Variants in CDH12 observed in about 807,000 individuals in gnomAD.
CDH12 encodes cadherin-12.
Under a neutral mutation model 74.1 loss-of-function variants are expected in CDH12, and 41 were observed. The observed-to-expected ratio is 0.55, with a 90% CI of 0.43 to 0.72. CDH12 has a LOEUF of 0.72. CDH12 is among the 30% of genes least tolerant of loss of function. CDH12 has a pLI of 0.00. For missense variants in CDH12, 945 were observed against 977.2 expected (o/e 0.97, Z 0.44); for synonymous variants, 399 against 355.0 (o/e 1.12, Z -1.39).
chr5:22,717,916 A>G (rs1231887228), intron 1 of CDH12, among the ~76,000 whole-genome samples: 1 of 151,414 alleles, frequency 6.6e-6, no homozygotes, highest in Non-Finnish European at 1.5e-5. Flanking sequence ...ATCCACAAAG[A>G]AAAAAAAAGC....
intron 1 of CDH12, among the ~76,000 whole-genome samples, chr5:22,639,845 G>C (rs1580842034): frequency 6.6e-6 from 1 of 152,084 alleles, no homozygotes; most frequent in Admixed American, 6.6e-5. Context: ...TCAAGAGGGA[G>C]TGCTCAAAAC....
intron 14 of CDH12, among the ~76,000 whole-genome samples, chr5:21,752,603 C>A (rs1744160223): frequency 6.6e-6 from 1 of 152,118 alleles, no homozygotes; most frequent in Admixed American, 6.6e-5. Flanking sequence ...AATAAGACTA[C>A]CATTCATTGC....
chr5:22,222,646 T>A (rs1318989950), intron 3 of CDH12, among the ~76,000 whole-genome samples: 4 of 151,934 alleles, frequency 2.6e-5, no homozygotes, highest in African/African-American at 7.2e-5. Flanking sequence ...CTTGACAAAA[T>A]TAATATTTCA....
At chr5:22,727,004 A>G (rs1478267390) in intron 1 of CDH12, among the ~76,000 whole-genome samples, 1 of 151,820 alleles carries the variant, frequency 6.6e-6, no homozygotes, top group Non-Finnish European at 1.5e-5. Flanking sequence ...TTCAGATACT[A>G]TTTAAACAAT....
intron 5 of CDH12, among the ~76,000 whole-genome samples, chr5:21,996,510 T>G (rs1314592332): frequency 1.3e-5 from 2 of 152,166 alleles, no homozygotes; most frequent in Non-Finnish European, 2.9e-5. Context: ...GCTAAGTGAT[T>G]TCCCCAATAT....
intron 3 of CDH12, among the ~76,000 whole-genome samples, chr5:22,372,444 A>T (rs1741333173): frequency 6.6e-6 from 1 of 152,060 alleles, no homozygotes; most frequent in South Asian, 2.1e-4. Flanking sequence ...AAACTCCCTT[A>T]ATCCTCATGG....
At chr5:22,832,396 G>T (rs1482524103) in intron 1 of CDH12, among the ~76,000 whole-genome samples, 3 of 152,166 alleles carry the variant, frequency 2.0e-5, no homozygotes, top group African/African-American at 7.2e-5. Context: ...TCTCAGCAAA[G>T]TCTGAAGTTT....
chr5:22,764,602 A>G (rs952021238), intron 1 of CDH12, among the ~76,000 whole-genome samples: 1 of 152,158 alleles, frequency 6.6e-6, no homozygotes, highest in South Asian at 2.1e-4. Context: ...AAAAAGGGGA[A>G]TATCATCTCT....
intron 5 of CDH12, among the ~76,000 whole-genome samples, chr5:21,980,035 C>G (rs531305786): frequency 3.3e-5 from 5 of 151,432 alleles, no homozygotes; most frequent in African/African-American, 1.2e-4. Context: ...CTCTGATGGC[C>G]AGTGATGATG....
intron 2 of CDH12, among the ~76,000 whole-genome samples, chr5:22,408,000 T>C (rs1304238264): frequency 6.6e-6 from 1 of 152,036 alleles, no homozygotes; most frequent in Non-Finnish European, 1.5e-5. Flanking sequence ...TGGTACATAG[T>C]AAGTTTTTCA....
intron 7 of CDH12, among the ~76,000 whole-genome samples, chr5:21,851,100 G>A (rs1258912420): frequency 6.6e-6 from 1 of 151,058 alleles, no homozygotes; most frequent in Non-Finnish European, 1.5e-5. Context: ...GGATATTGAG[G>A]TAAAATAATA....
chr5:21,963,506 G>A (rs897104322), intron 6 of CDH12, among the ~76,000 whole-genome samples: 3 of 151,994 alleles, frequency 2.0e-5, no homozygotes, highest in Admixed American at 1.3e-4. Context: ...CTTACCTCAC[G>A]GCTTTCTTTT....
At chr5:22,085,721 CTTACGT>C (rs1743019619) in intron 4 of CDH12, among the ~76,000 whole-genome samples, 1 of 152,078 alleles carries the variant, frequency 6.6e-6, no homozygotes, top group African/African-American at 2.4e-5. Context: ...GGCAGCATAA[CTTACGT>C]AATCCAAAAA....
chr5:22,651,474 A>C (rs573626632), intron 1 of CDH12, among the ~76,000 whole-genome samples: 1 of 152,190 alleles, frequency 6.6e-6, no homozygotes, highest in African/African-American at 2.4e-5. Flanking sequence ...AGAAAGGATA[A>C]TGAATGCAGG....
intron 3 of CDH12, among the ~76,000 whole-genome samples, chr5:22,342,836 TTCTGTCTGTCTGTCTG>T (rs376667284): frequency 3.4e-5 from 5 of 148,222 alleles, no homozygotes; most frequent in Non-Finnish European, 7.4e-5. Flanking sequence ...CTGTCTCTCT[TTCTGTCTGTCTGTCTG>T]TCTGTCTGTC....
chr5:22,386,465 T>G (rs1026258846), intron 3 of CDH12, among the ~76,000 whole-genome samples: 1 of 152,200 alleles, frequency 6.6e-6, no homozygotes, highest in Non-Finnish European at 1.5e-5. Context: ...TTAGTGCAGT[T>G]CATTCCAATC....
rs537354549 is a variant in CDH12 at position 22,426,131 on chromosome 5, G to T, written c.-427-20780C>A. ...GAACCTGGGAGGCAGAGTTTGCAGT[G>T]AGCCGAGATCGCACCACTGCACTCC... On this transcript the variant is annotated intron_variant, in intron 2 of 14. Coordinates refer to ENST00000382254, the MANE Select transcript of CDH12 (RefSeq NM_004061.5). Among the ~76,000 whole-genome samples the T allele has an allele frequency of 3.3e-5, 5 of 149,520 alleles. No individual in the cohort carries two copies. The South Asian group carries it at 1.1e-3, about 32-fold the overall frequency.
intron 3 of CDH12, among the ~76,000 whole-genome samples, chr5:22,392,944 C>G (rs2126423720): frequency 6.6e-6 from 1 of 152,256 alleles, no homozygotes; most frequent in African/African-American, 2.4e-5. Flanking sequence ...AGTCAGGCTA[C>G]TCTCTCGGTC....
At chr5:22,380,567 A>G (rs1391022082) in intron 3 of CDH12, among the ~76,000 whole-genome samples, 1 of 152,106 alleles carries the variant, frequency 6.6e-6, no homozygotes, top group African/African-American at 2.4e-5. Context: ...TACTTTCATA[A>G]TAGAATTAAT....
Sources: gnomAD v4.1 joint callset for allele counts (sites outside exome capture counted in the v4.1 genomes callset) on GRCh38, gnomAD v4.1.1 for gene constraint, MANE v1.5 for transcripts, NCBI Gene and HGNC (gene_info 2026-07-23, HGNC 2026-07-21) for gene names.